The following EPM2A variants were observed in gnomAD, a reference collection of about 807,000 sequenced individuals.
EPM2A encodes EPM2A glucan phosphatase, laforin.
EPM2A carries 21 observed loss-of-function variants against 26.5 expected under a neutral mutation model. The ratio of observed to expected loss-of-function variants is 0.79; its 90% CI spans 0.56 to 1.14. The LOEUF (loss-of-function observed/expected upper bound fraction) is 1.14. Ranked by LOEUF, EPM2A falls within the 50% of genes most tolerant of loss-of-function variation. EPM2A has a pLI of 0.00. For synonymous variants in EPM2A, 217 were observed against 177.6 expected (o/e 1.22, Z -1.76); for missense variants, 458 against 440.8 (o/e 1.04, Z -0.35).
intron 2 of EPM2A, among the ~76,000 whole-genome samples, chr6:145,535,192 A>T (rs1443801905): frequency 6.6e-6 from 1 of 152,220 alleles, no homozygotes; most frequent in Non-Finnish European, 1.5e-5. Flanking sequence ...TAAACAAGCC[A>T]GGCAAGGCTC....
rs4896806 is a variant in EPM2A at position 145,439,306 on chromosome 6, T to C, written c.556-55209A>G. On this transcript the variant is annotated intron_variant, in intron 4 of 4. Transcript: ENST00000638717. ...TGTGTCTTTATGGAAGAAGAATTTA[T>C]ATCCCTTTGGATATATACCCAGTAG... is the stretch of plus-strand genomic sequence containing the variant. Among the ~76,000 whole-genome samples the C allele has an allele frequency of 1.2e-3, 182 of 152,324 alleles. 2 individuals are homozygous for C. The highest frequency in any genetic ancestry group is 9.3e-3 in the Admixed American group (142 of 15,298).
At chr6:145,435,571 GATTTTTTTTAATTT>G (rs1778978526) in intron 4 of EPM2A, among the ~76,000 whole-genome samples, 1 of 151,306 alleles carries the variant, frequency 6.6e-6, no homozygotes, top group South Asian at 2.1e-4. Flanking sequence ...GAATTATTCT[GATTTTTTTTAATTT>G]ATTTTTTTTA....
rs200590979 is a variant in EPM2A, at chr6:145,488,522, TGAGA to T, written c.555+13996_555+13999del. Among the ~76,000 whole-genome samples the T allele has an allele frequency of 9.1e-3, 1,270 of 139,878 alleles. 7 individuals carry two copies. Among genetic ancestry groups the T allele is most frequent in the African/African-American group, 0.027 (957 of 35,642 alleles). 91.8% of individuals were successfully genotyped at this position (139,878 alleles called of 152,430 possible). On this transcript the variant is annotated intron_variant, in intron 4 of 4. Coordinates refer to the EPM2A transcript ENST00000638717. The stretch of plus-strand genomic sequence containing the variant: ...GTGTGTGTGTGTGTGTGTGTGTGTG[TGAGA>T]GAGAGAGAGAGAGAGAGAGAGAGAT...
intron 2 of EPM2A, among the ~76,000 whole-genome samples, chr6:145,597,717 CCT>C (rs1256675763): frequency 6.6e-6 from 1 of 152,124 alleles, no homozygotes; most frequent in Non-Finnish European, 1.5e-5. Context: ...TTTTTCCACT[CCT>C]CTCTTTCCTT....
intron 4 of EPM2A, among the ~76,000 whole-genome samples, chr6:145,473,568 A>G (rs1779504021): frequency 6.6e-6 from 1 of 152,154 alleles, no homozygotes; most frequent in Non-Finnish European, 1.5e-5. Flanking sequence ...AGAAGGTTAT[A>G]GAACATGATG....
Position 145,599,855 on chromosome 6 carries a change from C to G in EPM2A, c.340+35390G>C, listed in dbSNP as rs150209513. Among the ~76,000 whole-genome samples the G allele has an allele frequency of 2.2e-4, 34 of 152,154 alleles. No homozygotes were observed. In the East Asian group the frequency reaches 6.6e-3, roughly 29 times the overall value. ...TAAACATTGTATGTTTCTCCATTTA[C>G]ACAAATTTCCCTCTATATTCTTTAA... On this transcript the variant is annotated intron_variant, in intron 2 of 3. Coordinates refer to the EPM2A transcript ENST00000450221.
At chr6:145,579,539 T>A (rs1234869226) in intron 2 of EPM2A, among the ~76,000 whole-genome samples, 1 of 152,222 alleles carries the variant, frequency 6.6e-6, no homozygotes, top group South Asian at 2.1e-4. Context: ...CTTTGAACAA[T>A]GATAGCATGG....
chr6:145,511,599 A>G (rs777786990), intron 2 of EPM2A, among the ~76,000 whole-genome samples: 1 of 152,182 alleles, frequency 6.6e-6, no homozygotes, highest in African/African-American at 2.4e-5. Context: ...GACGGAATGT[A>G]TCTCAAAATA....
intron 1 of EPM2A, among the ~76,000 whole-genome samples, chr6:145,702,935 ATAACT>A (rs1313963483): frequency 6.6e-6 from 1 of 152,184 alleles, no homozygotes; most frequent in African/African-American, 2.4e-5. Context: ...TTTTTATAAA[ATAACT>A]TAATGCAAAT....
intron 1 of EPM2A, among the ~76,000 whole-genome samples, chr6:145,688,631 G>A (rs1358625927): frequency 1.3e-5 from 2 of 152,070 alleles, no homozygotes; most frequent in African/African-American, 2.4e-5. Context: ...TAATTTGAGT[G>A]TAAATGGTAA....
intron 2 of EPM2A, among the ~76,000 whole-genome samples, chr6:145,677,234 C>G (rs1013248776): frequency 3.3e-5 from 5 of 152,072 alleles, no homozygotes; most frequent in African/African-American, 1.2e-4. Context: ...ATTCAACAGC[C>G]CTTCATGCTA....
chr6:145,613,098 G>T (rs1486507985), intron 2 of EPM2A, among the ~76,000 whole-genome samples: 1 of 152,050 alleles, frequency 6.6e-6, no homozygotes, highest in Non-Finnish European at 1.5e-5. Flanking sequence ...CTCAAACCCT[G>T]CCATTATTTA....
intron 2 of EPM2A, among the ~76,000 whole-genome samples, chr6:145,549,731 C>T (rs909222346): frequency 3.3e-5 from 5 of 152,054 alleles, no homozygotes; most frequent in Non-Finnish European, 5.9e-5. Context: ...TGTGATGAGC[C>T]GACTACCTTC....
At position 145,735,371 on chromosome 6, in the gene EPM2A, G is replaced by T. The variant is rs1192681940; in HGVS notation, c.128C>A (p.Ala43Asp). ...EPRGAVRLRP[A>D]GTAAGDGALA... ...GGCCCCGTCGCCCGCCGCGGTGCCG[G>T]CCGGCCTCAGGCGGACGGCACCGCG... Residue 43 changes from alanine (A) to aspartate (D), a missense_variant, in exon 1 of 4, where the codon GCC (alanine) becomes GAC (aspartate). By Grantham distance (126) the Ala-to-Asp change is moderately radical. Transcript: ENST00000367519. The T allele has an allele frequency of 2.5e-6, 3 of 1,192,206 alleles. No homozygotes were observed. The highest frequency in any genetic ancestry group is 3.3e-5 in the African/African-American group (2 of 60,924). The allele number at this position is 1,192,206 out of a possible 1,614,324, so 73.9% of individuals were successfully genotyped here. A position where few individuals can be genotyped will look rare whatever the true frequency, so the allele number is the denominator to read the frequency against.
At chr6:145,696,824 TGTG>T (rs1781615515) in intron 1 of EPM2A, among the ~76,000 whole-genome samples, 2 of 130,468 alleles carry the variant, frequency 1.5e-5, no homozygotes, top group Non-Finnish European at 3.3e-5. Context: ...TGTGTGTGTG[TGTG>T]GTGTGTTTCA....
At chr6:145,570,169 T>TTAGGG (rs1478164518) in intron 2 of EPM2A, among the ~76,000 whole-genome samples, 2 of 152,124 alleles carry the variant, frequency 1.3e-5, no homozygotes, top group African/African-American at 4.8e-5. Flanking sequence ...TTAATCTCCT[T>TTAGGG]TAGGGACACC....
intron 4 of EPM2A, among the ~76,000 whole-genome samples, chr6:145,465,698 T>G (rs2114720575): frequency 6.6e-6 from 1 of 152,178 alleles, no homozygotes; most frequent in South Asian, 2.1e-4. Context: ...GACAGGACCC[T>G]CAGCTGCAGG....
intron 2 of EPM2A, among the ~76,000 whole-genome samples, chr6:145,504,381 C>T (rs1363838941): frequency 2.8e-4 from 36 of 129,670 alleles, no homozygotes. Context: ...CTACAATGAA[C>T]TCAAACAAAT....
intron 4 of EPM2A, among the ~76,000 whole-genome samples, chr6:145,458,160 G>A (rs1408160825): frequency 6.6e-6 from 1 of 152,126 alleles, no homozygotes; most frequent in Non-Finnish European, 1.5e-5. Flanking sequence ...TTAAGTATAT[G>A]TCCCTGTGTT....
Sources: allele counts gnomAD v4.1 joint callset (sites outside exome capture counted in the v4.1 genomes callset), GRCh38; gene constraint gnomAD v4.1.1; transcripts MANE v1.5; gene names NCBI Gene and HGNC (gene_info 2026-07-23, HGNC 2026-07-21).